NBEA: variants seen among roughly 807,000 people sequenced by gnomAD.
NBEA encodes the protein neurobeachin.
In NBEA, 44 loss-of-function variants were observed where a neutral mutation model predicts 343.4. The ratio of observed to expected loss-of-function variants is 0.13; its 90% CI spans 0.10 to 0.16. The LOEUF (loss-of-function observed/expected upper bound fraction) is 0.16. Among genes scored for constraint, NBEA ranks in the 10% least tolerant of loss-of-function variants. The pLI is 1.00. For missense variants in NBEA, 2,555 were observed against 3,631.3 expected (o/e 0.70, Z 7.62); for synonymous variants, 1,175 against 1,238.7 (o/e 0.95, Z 1.08).
At chr13:35,059,657 T>C (rs571514796) in intron 8 of NBEA, among the ~76,000 whole-genome samples, 25 of 151,712 alleles carry the variant, frequency 1.6e-4, no homozygotes, top group Middle Eastern at 6.8e-3. Flanking sequence ...AATGTGAAGA[T>C]TGTGTAATGG....
In NBEA at chr13:35,472,393, C is replaced by T. The variant is rs201461132; in HGVS notation, c.6449-7C>T. On this transcript the variant is annotated splice_region_variant and splice_polypyrimidine_tract_variant and intron_variant, in intron 40 of 58. Transcript: ENST00000379939. The stretch of plus-strand genomic sequence containing the variant: ...TCAGCCTGACTCCCCTTGTCCTTGC[C>T]TTGCAGGCCCAGTGGTTCTCAGCAC... 47 of 1,612,236 alleles carry T rather than the reference C, an allele frequency of 2.9e-5. No homozygotes were observed. The highest frequency in any genetic ancestry group is 8.9e-5 in the East Asian group (4 of 44,856).
chr13:35,236,670 A>G (rs1409665194), intron 34 of NBEA, among the ~76,000 whole-genome samples: 1 of 150,382 alleles, frequency 6.6e-6, no homozygotes, highest in Non-Finnish European at 1.5e-5. Context: ...GTTAGCCAGG[A>G]TGGTCTCAAT....
At chr13:35,165,267 T>C (rs573150466) in intron 24 of NBEA, among the ~76,000 whole-genome samples, 15 of 152,340 alleles carry the variant, frequency 9.8e-5, no homozygotes, top group Non-Finnish European at 2.1e-4. Flanking sequence ...TTTTTCTTAC[T>C]GTTCTTTTGT....
intron 41 of NBEA, among the ~76,000 whole-genome samples, chr13:35,479,295 G>A (rs1254753446): frequency 6.6e-6 from 1 of 152,110 alleles, no homozygotes; most frequent in Non-Finnish European, 1.5e-5. Context: ...GGTGAACTGG[G>A]CGCCCTGGAA....
chr13:35,461,497 A>G (rs1035731480), intron 40 of NBEA, among the ~76,000 whole-genome samples: 1 of 152,200 alleles, frequency 6.6e-6, no homozygotes, highest in African/African-American at 2.4e-5. Context: ...CTAAGCTTTC[A>G]TGGTTGTTTT....
intron 34 of NBEA, among the ~76,000 whole-genome samples, chr13:35,276,427 T>C (rs2152807869): frequency 6.6e-6 from 1 of 152,288 alleles, no homozygotes; most frequent in Admixed American, 6.5e-5. Flanking sequence ...ATATATTCCA[T>C]TAAATTTATG....
chr13:34,966,779 ATAT>A (rs1376974505), intron 1 of NBEA, among the ~76,000 whole-genome samples: 2 of 151,848 alleles, frequency 1.3e-5, no homozygotes. Context: ...ACAGATCATT[ATAT>A]TATTGTTTCT....
intron 1 of NBEA, among the ~76,000 whole-genome samples, chr13:34,979,438 C>T (rs1385907156): frequency 2.0e-5 from 3 of 151,792 alleles, no homozygotes; most frequent in Middle Eastern, 3.2e-3. Context: ...GAGAATCACT[C>T]GAACCTAGGA....
At chr13:35,198,487 G>A (rs979877882) in intron 31 of NBEA, among the ~76,000 whole-genome samples, 1 of 152,058 alleles carries the variant, frequency 6.6e-6, no homozygotes, top group African/African-American at 2.4e-5. Context: ...ACTTTAAAAA[G>A]CAGTCACCTG....
At chr13:35,203,615 T>C (rs2073170110) in intron 31 of NBEA, among the ~76,000 whole-genome samples, 2 of 152,162 alleles carry the variant, frequency 1.3e-5, no homozygotes, top group Non-Finnish European at 2.9e-5. Flanking sequence ...TCCACACACA[T>C]TGCAATGCTC....
intron 38 of NBEA, among the ~76,000 whole-genome samples, chr13:35,393,576 C>T (rs890910442): frequency 4.6e-5 from 7 of 151,830 alleles, no homozygotes; most frequent in Non-Finnish European, 8.8e-5. Flanking sequence ...ATTTAGAGTC[C>T]TTTTTTGTTT....
intron 35 of NBEA, among the ~76,000 whole-genome samples, chr13:35,308,427 ACTG>A (rs1465871660): frequency 2.4e-5 from 3 of 125,232 alleles, no homozygotes; most frequent in Admixed American, 9.4e-5. Flanking sequence ...AATCCAAAAC[ACTG>A]CTATTTACTA....
intron 49 of NBEA, among the ~76,000 whole-genome samples, chr13:35,633,198 G>A (rs1242060959): frequency 6.6e-6 from 1 of 151,144 alleles, no homozygotes; most frequent in Non-Finnish European, 1.5e-5. Context: ...TGCCTCCCGG[G>A]TTCACGCCAT....
At position 35,239,755 on chromosome 13, in the gene NBEA, G is replaced by C. The variant is rs74048954; in HGVS notation, c.5776+7136G>C. On this transcript the variant is annotated intron_variant, in intron 34 of 58. Coordinates refer to ENST00000379939, the MANE Select transcript of NBEA (RefSeq NM_001385012.1). ...TGTTTTGCCTGGACACAAAAACCAA[G>C]TCAGTAGCAGTGAGTACACTTAGGG... 6.9e-3 allele frequency among the ~76,000 whole-genome samples: 1,052 copies of C among 152,072 alleles called. 23 individuals are homozygous for C. The highest frequency in any genetic ancestry group is 0.024 in the African/African-American group (993 of 41,524).
chr13:35,110,505 CTT>C (rs1363448797), intron 12 of NBEA, among the ~76,000 whole-genome samples: 1 of 151,992 alleles, frequency 6.6e-6, no homozygotes, highest in Non-Finnish European at 1.5e-5. Flanking sequence ...CTTTAGTTGA[CTT>C]TTAAAATATT....
At chr13:35,627,514 A>G (rs1460699560) in intron 48 of NBEA, among the ~76,000 whole-genome samples, 2 of 151,744 alleles carry the variant, frequency 1.3e-5, no homozygotes, top group Admixed American at 6.6e-5. Context: ...TTTCTTTCCC[A>G]TTAGCTAGCA....
chr13:35,152,847 C>T (rs1226172736), intron 18 of NBEA, among the ~76,000 whole-genome samples: 1 of 151,952 alleles, frequency 6.6e-6, no homozygotes, highest in Non-Finnish European at 1.5e-5. Context: ...CCATATCCAG[C>T]TCTGAACCTC....
intron 41 of NBEA, among the ~76,000 whole-genome samples, chr13:35,510,970 CT>C (rs755602697): frequency 2.0e-5 from 3 of 152,106 alleles, no homozygotes; most frequent in Non-Finnish European, 4.4e-5. Flanking sequence ...CCTATTATGA[CT>C]TCTTAATGGA....
At chr13:35,298,792 CTAATTTTT>C (rs2036335469) in intron 35 of NBEA, among the ~76,000 whole-genome samples, 1 of 151,818 alleles carries the variant, frequency 6.6e-6, no homozygotes, top group Non-Finnish European at 1.5e-5. Context: ...TCAGTATTTC[CTAATTTTT>C]TTTATGGTTG....
Sources: allele counts gnomAD v4.1 joint callset (sites outside exome capture counted in the v4.1 genomes callset), GRCh38; gene constraint gnomAD v4.1.1; transcripts MANE v1.5; gene names NCBI Gene and HGNC (gene_info 2026-07-23, HGNC 2026-07-21).